Variants in ACVR1 observed in about 807,000 individuals in gnomAD.
The protein encoded by ACVR1 is activin receptor type-1.
In ACVR1, 38 loss-of-function variants were observed where a neutral mutation model predicts 57.1. That is an observed-to-expected ratio of 0.67 (90% CI 0.51 to 0.87). The LOEUF is 0.87. ACVR1 is among the 40% of genes least tolerant of loss of function. The pLI, the probability that ACVR1 is intolerant of heterozygous loss-of-function variation, is 0.00. For missense variants in ACVR1, 463 were observed against 638.2 expected (o/e 0.73, Z 2.96); for synonymous variants, 212 against 228.1 (o/e 0.93, Z 0.63).
intron 5 of ACVR1, among the ~76,000 whole-genome samples, 200 bp from the exon 6 acceptor site, chr2:157,774,387 G>A (rs551916226): frequency 7.2e-5 from 11 of 152,146 alleles, no homozygotes; most frequent in Non-Finnish European, 7.4e-5. Context: ...TTTTTGAGAC[G>A]GAGTTTCACT....
At chr2:157,857,352 C>T (rs1346991931) in intron 1 of ACVR1, among the ~76,000 whole-genome samples, 1 of 150,900 alleles carries the variant, frequency 6.6e-6, no homozygotes, top group Non-Finnish European at 1.5e-5. Context: ...ACGGTCTCAA[C>T]AATGAACACA....
At chr2:157,847,289 G>C (rs187223987) in intron 1 of ACVR1, among the ~76,000 whole-genome samples, 1 of 152,180 alleles carries the variant, frequency 6.6e-6, no homozygotes, top group African/African-American at 2.4e-5. Context: ...TCCCTAAACT[G>C]ATCCAGTAAT....
At position 157,749,290 on chromosome 2, in the gene ACVR1, C is replaced by T. The variant is rs113551510; in HGVS notation, c.1265-10720G>A. ...GGTACATGAAAGGCAAGGGTGAGAG[C>T]GCACTGTGGGGGACATAGGTTAAAA... On this transcript the variant is annotated intron_variant, in intron 9 of 10. Coordinates refer to ENST00000434821, the MANE Select transcript of ACVR1 (RefSeq NM_001111067.4). Among the ~76,000 whole-genome samples, 828 of 152,282 alleles carry T rather than the reference C, an allele frequency of 5.4e-3. 7 individuals carry two copies. Among genetic ancestry groups the T allele is most frequent in the Non-Finnish European group, 8.8e-3 (597 of 68,018 alleles).
chr2:157,750,261 C>T (rs570670476), intron 9 of ACVR1, among the ~76,000 whole-genome samples: 2 of 152,318 alleles, frequency 1.3e-5, no homozygotes, highest in East Asian at 1.9e-4. Flanking sequence ...TGTCTACCAC[C>T]GCTGCCATTG....
intron 9 of ACVR1, among the ~76,000 whole-genome samples, chr2:157,748,244 C>G (rs1009501383): frequency 1.3e-5 from 2 of 152,120 alleles, no homozygotes; most frequent in Non-Finnish European, 2.9e-5. Context: ...AATCCCAAGT[C>G]TCTGCTGAGC....
Position 157,799,434 on chromosome 2 carries a change from A to G in ACVR1, c.60T>C (p.Ser20=), listed in dbSNP as rs1182892538. Residue 20 remains serine (S), a synonymous_variant, in exon 3 of 11, where the codon AGT becomes AGC. Coordinates refer to ENST00000434821, the MANE Select transcript of ACVR1 (RefSeq NM_001111067.4). Reference sequence around the variant, plus strand: ...AAGATGTGAGTCACTTACCTTCCATACTAGGGGAGGGGAGAGCAATCATGA... The same window carrying G: ...AAGATGTGAGTCACTTACCTTCCATGCTAGGGGAGGGGAGAGCAATCATGA... ...VLIMIALPSP[S]MEDEKPKVNP... 1.2e-6 allele frequency: 2 copies of G among 1,611,764 alleles called. No individual in the cohort carries two copies. Among genetic ancestry groups the G allele is most frequent in the Admixed American group, 3.3e-5 (2 of 59,968 alleles).
intron 1 of ACVR1, among the ~76,000 whole-genome samples, chr2:157,873,174 T>C (rs981699086): frequency 9.9e-5 from 15 of 152,140 alleles, no homozygotes; most frequent in African/African-American, 3.6e-4. Flanking sequence ...AGTATGTGAG[T>C]GAATGAACTT....
intron 3 of ACVR1, among the ~76,000 whole-genome samples, chr2:157,791,488 G>C (rs1052460973): frequency 3.9e-5 from 6 of 152,122 alleles, no homozygotes; most frequent in African/African-American, 1.2e-4. Context: ...TTAGACACTA[G>C]GGATAAAACA....
intron 1 of ACVR1, among the ~76,000 whole-genome samples, chr2:157,875,371 G>T (rs1449289720): frequency 6.6e-6 from 1 of 152,080 alleles, no homozygotes. Context: ...TTGAGGGTGG[G>T]GGAAATTCGC....
At chr2:157,743,531 T>C (rs972663223) in intron 9 of ACVR1, among the ~76,000 whole-genome samples, 9 of 152,046 alleles carry the variant, frequency 5.9e-5, no homozygotes, top group African/African-American at 2.2e-4. Flanking sequence ...ATGTCCATAA[T>C]CCTTTTTCAA....
At chr2:157,821,344 G>A (rs746899335) in intron 1 of ACVR1, among the ~76,000 whole-genome samples, 12 of 152,028 alleles carry the variant, frequency 7.9e-5, no homozygotes, top group Non-Finnish European at 1.3e-4. Flanking sequence ...TGGCTGACAT[G>A]GTGAAACCCT....
chr2:157,739,969 G>C (rs904752868), intron 9 of ACVR1, among the ~76,000 whole-genome samples: 1 of 152,138 alleles, frequency 6.6e-6, no homozygotes, highest in African/African-American at 2.4e-5. Flanking sequence ...TGGACCACTT[G>C]AGGTCAGTGT....
chr2:157,782,377 T>A (rs964228081), intron 3 of ACVR1, among the ~76,000 whole-genome samples: 1 of 152,222 alleles, frequency 6.6e-6, no homozygotes, highest in African/African-American at 2.4e-5. Context: ...AGTCTATGTA[T>A]GTCACCAGTC....
intron 2 of ACVR1, among the ~76,000 whole-genome samples, chr2:157,811,447 AATT>A (rs1196493655): frequency 1.3e-5 from 2 of 152,288 alleles, no homozygotes; most frequent in African/African-American, 4.8e-5. Context: ...TTAATATTTA[AATT>A]TTTTATTACA....
intron 3 of ACVR1, among the ~76,000 whole-genome samples, chr2:157,794,254 G>A (rs1349022191): frequency 6.6e-6 from 1 of 152,160 alleles, no homozygotes; most frequent in Non-Finnish European, 1.5e-5. Flanking sequence ...GAAAGGGAAG[G>A]ATATACAGGT....
chr2:157,752,825 C>T (rs1268092129), intron 9 of ACVR1, among the ~76,000 whole-genome samples: 1 of 152,130 alleles, frequency 6.6e-6, no homozygotes, highest in African/African-American at 2.4e-5. Context: ...ATCCTGGAAA[C>T]ATATCAAAAC....
At chr2:157,797,158 T>C (rs909710661) in intron 3 of ACVR1, among the ~76,000 whole-genome samples, 6 of 152,330 alleles carry the variant, frequency 3.9e-5, no homozygotes, top group Admixed American at 2.0e-4. Flanking sequence ...TCAAATGCTA[T>C]ATGTGACTAT....
intron 3 of ACVR1, among the ~76,000 whole-genome samples, chr2:157,782,042 G>A (rs1227620150): frequency 6.6e-6 from 1 of 152,198 alleles, no homozygotes; most frequent in African/African-American, 2.4e-5. Context: ...TTGGGTGGCT[G>A]TGCTTTCCAG....
intron 9 of ACVR1, among the ~76,000 whole-genome samples, chr2:157,744,922 C>G (rs1684910014): frequency 2.0e-5 from 3 of 152,198 alleles, no homozygotes; most frequent in Admixed American, 6.5e-5. Flanking sequence ...GCAGGCACTT[C>G]TTCCTGAAAA....
Sources: gnomAD v4.1 joint callset for allele counts (sites outside exome capture counted in the v4.1 genomes callset) on GRCh38, gnomAD v4.1.1 for gene constraint, MANE v1.5 for transcripts, NCBI Gene and HGNC (gene_info 2026-07-23, HGNC 2026-07-21) for gene names.